The following NCBP1 variants were observed in gnomAD, a reference collection of about 807,000 sequenced individuals.
The protein encoded by NCBP1 is nuclear cap binding protein subunit 1.
In NCBP1, 16 loss-of-function variants were observed where a neutral mutation model predicts 111.7. The ratio of observed to expected loss-of-function variants is 0.14; its 90% CI spans 0.10 to 0.22. The LOEUF (loss-of-function observed/expected upper bound fraction) is 0.22, where lower values mean the gene tolerates loss of function less well. NCBP1 is among the 10% of genes least tolerant of loss of function. The pLI is 1.00. For synonymous variants in NCBP1, 304 were observed against 314.3 expected, an observed-to-expected ratio of 0.97 and a Z score of 0.35; for missense variants, 607 against 957.5, an observed-to-expected ratio of 0.63 and a Z score of 4.83.
Position 97,672,017 on chromosome 9 carries a change from T to C in NCBP1, c.*818T>C, listed in dbSNP as rs1250269022. ...GAGTTACAGAATACTAAAGTGGATG[T>C]AGAAGTGGTCAGATTGACTGAAACT... is the stretch of plus-strand genomic sequence containing the variant. On this transcript the variant is annotated 3_prime_UTR_variant, in exon 23 of 23. Coordinates refer to ENST00000375147, the MANE Select transcript of NCBP1 (RefSeq NM_002486.5). 6.6e-6 allele frequency: 1 copy of C among 152,200 alleles called. No homozygotes were observed. 9.4% of individuals were successfully genotyped at this position (152,200 alleles called of 1,614,324 possible). A position where few individuals can be genotyped will look rare whatever the true frequency, so the allele number is the denominator to read the frequency against.
chr9:97,644,872 G>A (rs73498332), intron 4 of NCBP1, among the ~76,000 whole-genome samples: 17,991 of 152,110 alleles, frequency 0.12, 3,025 homozygotes, highest in African/African-American at 0.37. Context: ...TTACTTATGG[G>A]CACTGAAACT....
At chr9:97,657,028 G>A (rs542589120) in intron 14 of NCBP1, among the ~76,000 whole-genome samples, 1 of 152,266 alleles carries the variant, frequency 6.6e-6, no homozygotes, top group South Asian at 2.1e-4. Context: ...GAGTGCAGTG[G>A]CACGATCTCG....
intron 1 of NCBP1, 105 bp downstream of exon 1, chr9:97,634,020 C>T: frequency 1.5e-6 from 2 of 1,325,000 alleles, no homozygotes; most frequent in Non-Finnish European, 2.0e-6. Context: ...TCCCCGGGAA[C>T]GTGCGGGGAG....
chr9:97,669,326 C>T (rs376849050), intron 21 of NCBP1, among the ~76,000 whole-genome samples: 10 of 152,044 alleles, frequency 6.6e-5, no homozygotes, highest in African/African-American at 2.2e-4. Flanking sequence ...CTGATTACTT[C>T]GTTAGAATAG....
Position 97,664,454 on chromosome 9 carries a change from T to C in NCBP1, c.1901+11T>C, listed in dbSNP as rs1030449909. ...TCGTGACTTTACCAGGTAATATAAA[T>C]TATTTTATGAAACTTGTGTTCCCTA... On this transcript the variant is annotated intron_variant, in intron 19 of 22. Coordinates refer to ENST00000375147, the MANE Select transcript of NCBP1 (RefSeq NM_002486.5). 3 of 1,554,606 alleles carry C rather than the reference T, an allele frequency of 1.9e-6. No individual in the cohort carries two copies. Among genetic ancestry groups the C allele is most frequent in the Middle Eastern group, 3.4e-4 (2 of 5,812 alleles).
At chr9:97,661,559 C>G (rs1304410687) in intron 16 of NCBP1, among the ~76,000 whole-genome samples, 1 of 152,084 alleles carries the variant, frequency 6.6e-6, no homozygotes, top group Non-Finnish European at 1.5e-5. Context: ...AGAAAAACTA[C>G]TGAATCAAAA....
intron 1 of NCBP1, among the ~76,000 whole-genome samples, chr9:97,639,870 A>G (rs1292373575): frequency 5.9e-5 from 9 of 152,318 alleles, no homozygotes; most frequent in Non-Finnish European, 1.3e-4. Flanking sequence ...GCACACCTTC[A>G]TTCAACTTGA....
At position 97,668,847 on chromosome 9, in the gene NCBP1, G is replaced by A. The variant is rs563951596; in HGVS notation, c.2018G>A (p.Arg673Gln). 34 of 1,609,942 alleles carry A rather than the reference G, an allele frequency of 2.1e-5. No homozygotes were observed. The highest frequency in any genetic ancestry group is 1.7e-4 in the Middle Eastern group (1 of 6,044). The part of the protein sequence containing the change: ...KEKLARQHKR[R>Q]SDDDDRSSDR... ...CTTTTGTTCATTTGCCTTCTATAGCGAAGTGATGATGACGACAGAAGCAGT... is the reference window on the plus strand; with the variant it reads ...CTTTTGTTCATTTGCCTTCTATAGCAAAGTGATGATGACGACAGAAGCAGT... Residue 673 changes from arginine (R) to glutamine (Q), a missense_variant and splice_region_variant, in exon 21 of 23, where the codon CGA (arginine) becomes CAA (glutamine). This residue lies in a region of NCBP1 where 282 missense variants were observed against 376.5 expected (regional missense o/e 0.75). Coordinates refer to ENST00000375147, the MANE Select transcript of NCBP1 (RefSeq NM_002486.5).
At chr9:97,669,961 T>G in intron 22 of NCBP1, 1 of 488,076 alleles carries the variant, frequency 2.0e-6, no homozygotes, top group Admixed American at 2.9e-5. Flanking sequence ...CTCACTCTGT[T>G]GCCCAGGCTG....
chr9:97,647,054 C>T (rs1827362092), intron 6 of NCBP1, among the ~76,000 whole-genome samples: 1 of 151,146 alleles, frequency 6.6e-6, no homozygotes, highest in South Asian at 2.1e-4. Context: ...ACCATGATTT[C>T]CGTAGTCTCC....
Position 97,671,356 on chromosome 9 carries a change from A to G in NCBP1, c.*157A>G. The G allele has an allele frequency of 1.8e-6, 1 of 566,030 alleles. No individual in the cohort carries two copies. The highest frequency in any genetic ancestry group is 2.4e-5 in the South Asian group (1 of 41,334). 35.1% of individuals were successfully genotyped at this position (566,030 alleles called of 1,614,324 possible). A position where few individuals can be genotyped will look rare whatever the true frequency, so the allele number is the denominator to read the frequency against. On this transcript the variant is annotated 3_prime_UTR_variant, in exon 23 of 23. Coordinates refer to ENST00000375147, the MANE Select transcript of NCBP1 (RefSeq NM_002486.5). ...AGTGAATGAACATGGCATTACTTTT[A>G]ATTGCCCTGAAAAGCAAATACTTCC...
At chr9:97,655,596 ACT>A in intron 12 of NCBP1, 104 bp from the exon 13 acceptor site, 1 of 811,892 alleles carries the variant, frequency 1.2e-6, no homozygotes, top group Non-Finnish European at 1.9e-6. Flanking sequence ...CTTTTCATTA[ACT>A]CTGTAAAGTC....
chr9:97,662,934 T>C lies in NCBP1; in HGVS notation c.1704-20T>C, dbSNP rs751269308. The C allele has an allele frequency of 6.4e-7, 1 of 1,564,426 alleles. No homozygotes were observed. Among genetic ancestry groups the C allele is most frequent in the South Asian group, 1.1e-5 (1 of 88,012 alleles). On this transcript the variant is annotated intron_variant, in intron 17 of 22. Transcript: ENST00000375147. ...AATGAATAAGTATATATGGTATTTTTTTCCCATCATTATCAAAAGGTTTCA... is the reference window on the plus strand; with the variant it reads ...AATGAATAAGTATATATGGTATTTTCTTCCCATCATTATCAAAAGGTTTCA...
chr9:97,659,054 C>T (rs920746239), intron 15 of NCBP1, among the ~76,000 whole-genome samples: 1 of 152,182 alleles, frequency 6.6e-6, no homozygotes, highest in Admixed American at 6.5e-5. Context: ...ATGGAGGTTA[C>T]TTGAATTCAT....
intron 20 of NCBP1, 40 bp downstream of exon 20, chr9:97,666,917 T>C (rs370932282): frequency 5.9e-6 from 8 of 1,349,780 alleles, no homozygotes; most frequent in African/African-American, 1.5e-5. Flanking sequence ...AAAGAAAATA[T>C]ACCAGAAACT....
At chr9:97,639,042 T>C (rs982492378) in intron 1 of NCBP1, among the ~76,000 whole-genome samples, 3 of 152,198 alleles carry the variant, frequency 2.0e-5, no homozygotes, top group African/African-American at 7.2e-5. Flanking sequence ...GTCCTGTGAC[T>C]TAGGTTTGAT....
intron 4 of NCBP1, among the ~76,000 whole-genome samples, chr9:97,644,260 T>G (rs1827276888): frequency 6.6e-6 from 1 of 152,154 alleles, no homozygotes; most frequent in South Asian, 2.1e-4. Context: ...CCTGACCCTT[T>G]ATGGTTTCCC....
rs996963250 is a variant in NCBP1 at position 97,666,954 on chromosome 9, T to C, written c.2016+77T>C. 8.4e-6 allele frequency: 9 copies of C among 1,075,868 alleles called. No homozygotes were observed. The African/African-American group carries it at 1.5e-4, about 18-fold the overall frequency. The allele number at this position is 1,075,868 out of a possible 1,614,324, so 66.6% of individuals were successfully genotyped here. A position where few individuals can be genotyped will look rare whatever the true frequency, so the allele number is the denominator to read the frequency against. Reference sequence around the variant, plus strand: ...TGGAGAGGATTCAGAGTTCATTATCTTGATGATATTTCATTTTTTCTGAGC... The same window carrying C: ...TGGAGAGGATTCAGAGTTCATTATCCTGATGATATTTCATTTTTTCTGAGC... On this transcript the variant is annotated intron_variant, in intron 20 of 22. Transcript: ENST00000375147.
chr9:97,663,081 T>G, intron 18 of NCBP1, 34 bp downstream of exon 18: 1 of 1,485,390 alleles, frequency 6.7e-7, no homozygotes, highest in Non-Finnish European at 9.3e-7. Context: ...GTTGAAGCTC[T>G]GATTGTATGG....
Sources: gnomAD v4.1 joint callset for allele counts (sites outside exome capture counted in the v4.1 genomes callset) on GRCh38, gnomAD v4.1.1 for gene constraint, gnomAD v4.1.1 regional missense constraint, MANE v1.5 for transcripts, NCBI Gene and HGNC (gene_info 2026-07-23, HGNC 2026-07-21) for gene names.